Variants in KAZN observed in about 807,000 individuals in gnomAD.
KAZN encodes the protein kazrin, periplakin interacting protein.
Under a neutral mutation model 87.4 loss-of-function variants are expected in KAZN, and 40 were observed. The observed-to-expected ratio is 0.46, with a 90% CI of 0.36 to 0.60. The LOEUF (loss-of-function observed/expected upper bound fraction) is 0.60, where lower values mean the gene tolerates loss of function less well. KAZN is among the 20% of genes least tolerant of loss of function. The pLI, the probability that KAZN is intolerant of heterozygous loss-of-function variation, is 0.00. For synonymous variants in KAZN, 466 were observed against 458.3 expected (o/e 1.02, Z -0.22); for missense variants, 898 against 1,073.9 (o/e 0.84, Z 2.29).
At chr1:14,119,188 G>T (rs980659701) in intron 1 of KAZN, among the ~76,000 whole-genome samples, 1 of 152,144 alleles carries the variant, frequency 6.6e-6, no homozygotes, top group African/African-American at 2.4e-5. Context: ...GTTATCTGTG[G>T]GTTTTCACGA....
At chr1:14,241,464 C>T (rs1648928414) in intron 2 of KAZN, among the ~76,000 whole-genome samples, 1 of 152,212 alleles carries the variant, frequency 6.6e-6, no homozygotes, top group Non-Finnish European at 1.5e-5. Context: ...TGGATTAAGA[C>T]ACTGGAGACA....
intron 2 of KAZN, among the ~76,000 whole-genome samples, chr1:14,396,854 T>A (rs1442372710): frequency 3.3e-5 from 5 of 152,156 alleles, no homozygotes; most frequent in Admixed American, 2.6e-4. Context: ...TTTTCTCTAA[T>A]GTCAGCCATC....
chr1:14,114,076 A>G (rs1644557462), intron 1 of KAZN, among the ~76,000 whole-genome samples: 1 of 152,218 alleles, frequency 6.6e-6, no homozygotes, highest in Admixed American at 6.5e-5. Context: ...CTTGCAGTGC[A>G]GCTTTTAAGA....
chr1:15,053,158 G>T (rs998364287), intron 4 of KAZN, among the ~76,000 whole-genome samples: 2 of 152,238 alleles, frequency 1.3e-5, no homozygotes, highest in Non-Finnish European at 2.9e-5. Flanking sequence ...GACTGGGCAG[G>T]TGGAAGCAAG....
At chr1:13,895,118 C>T in intron 1 of KAZN, among the ~76,000 whole-genome samples, 1 of 152,192 alleles carries the variant, frequency 6.6e-6, no homozygotes, top group East Asian at 1.9e-4. Flanking sequence ...CAAGGCATCT[C>T]TGTTTGCAGG....
chr1:14,854,797 G>A (rs917859187), intron 1 of KAZN, among the ~76,000 whole-genome samples: 1 of 152,120 alleles, frequency 6.6e-6, no homozygotes, highest in Non-Finnish European at 1.5e-5. Context: ...CCAAACCATA[G>A]CATCTCCCCT....
At chr1:14,383,824 T>TTA (rs1469007671) in intron 2 of KAZN, among the ~76,000 whole-genome samples, 1 of 152,144 alleles carries the variant, frequency 6.6e-6, no homozygotes, top group Non-Finnish European at 1.5e-5. Context: ...CATATGAACT[T>TTA]TAAAGTAGTT....
chr1:13,949,599 T>G (rs545290570), intron 1 of KAZN, among the ~76,000 whole-genome samples: 3 of 152,190 alleles, frequency 2.0e-5, no homozygotes, highest in Non-Finnish European at 4.4e-5. Context: ...CAGCTCACAC[T>G]TTACTGAGCC....
chr1:14,279,219 C>A (rs1273185619), intron 2 of KAZN, among the ~76,000 whole-genome samples: 2 of 152,104 alleles, frequency 1.3e-5, no homozygotes, highest in African/African-American at 4.8e-5. Flanking sequence ...GAAGAGGGAG[C>A]AACTAAGTTA....
Position 14,740,617 on chromosome 1 carries a change from C to T in KAZN, c.226+141394C>T, listed in dbSNP as rs551677748. 3.9e-5 allele frequency among the ~76,000 whole-genome samples: 6 copies of T among 152,236 alleles called. No individual in the cohort carries two copies. In the South Asian group the frequency reaches 8.3e-4, roughly 21 times the overall value. On this transcript the variant is annotated intron_variant, in intron 1 of 14. Transcript: ENST00000376030. ...CCCTCTATAGCTCCTGTCTCCTTGG[C>T]GTGGTTTGAGCCCCACAGACCTCTC...
chr1:13,951,702 G>A (rs1226932326), intron 1 of KAZN, among the ~76,000 whole-genome samples: 1 of 151,950 alleles, frequency 6.6e-6, no homozygotes, highest in Non-Finnish European at 1.5e-5. Context: ...TGGGATGATA[G>A]GATGAAACAG....
intron 6 of KAZN, chr1:15,061,065 A>T (rs1638751268): frequency 6.6e-6 from 1 of 152,242 alleles, no homozygotes; most frequent in East Asian, 1.9e-4. Flanking sequence ...CCTCAAATGC[A>T]CGAGACGGCT....
rs778765167 is a variant in KAZN at position 14,226,069 on chromosome 1, CAACAA to C, written c.249+45489_249+45493del. ...AAAAACAAAAAAACAAAACAACAAA[CAACAA>C]AACAAAACAAACAAAAAACCACCCT... On this transcript the variant is annotated intron_variant, in intron 2 of 16. Coordinates refer to the KAZN transcript ENST00000636203. Among the ~76,000 whole-genome samples, 140 of 151,812 alleles carry C rather than the reference CAACAA, an allele frequency of 9.2e-4. 4 individuals carry two copies. Among genetic ancestry groups the C allele is most frequent in the South Asian group, 6.5e-3 (31 of 4,804 alleles).
chr1:14,223,852 A>G (rs1455170455), intron 2 of KAZN, among the ~76,000 whole-genome samples: 3 of 152,168 alleles, frequency 2.0e-5, no homozygotes, highest in Non-Finnish European at 4.4e-5. Flanking sequence ...GGGCAGTGGC[A>G]TGTTTGTTAC....
chr1:14,521,816 A>G (rs1671607262), intron 2 of KAZN, among the ~76,000 whole-genome samples: 2 of 152,200 alleles, frequency 1.3e-5, no homozygotes, highest in Admixed American at 1.3e-4. Flanking sequence ...AAGTTACCAC[A>G]TCATGGTTTG....
At position 14,763,707 on chromosome 1, in the gene KAZN, C is replaced by T. The variant is rs186523531; in HGVS notation, c.226+164484C>T. Among the ~76,000 whole-genome samples the T allele has an allele frequency of 3.1e-3, 471 of 152,222 alleles. 4 individuals are homozygous for T. The highest frequency in any genetic ancestry group is 0.011 in the African/African-American group (439 of 41,524). On this transcript the variant is annotated intron_variant, in intron 1 of 14. Transcript: ENST00000376030. ...GATATCCTCCAATTATGATCCTTTG[C>T]CTAAGGGGGAGATGGGATGTAGGTA...
At chr1:14,829,815 T>C (rs1027691047) in intron 1 of KAZN, among the ~76,000 whole-genome samples, 21 of 152,178 alleles carry the variant, frequency 1.4e-4, no homozygotes, top group Non-Finnish European at 2.9e-4. Flanking sequence ...AGACACTGGA[T>C]AGTGAAGGAC....
intron 8 of KAZN, among the ~76,000 whole-genome samples, chr1:15,082,975 G>A (rs952506552): frequency 3.9e-5 from 6 of 152,138 alleles, no homozygotes; most frequent in African/African-American, 1.4e-4. Context: ...TGACATCCCT[G>A]ATCTAAAGAC....
intron 2 of KAZN, among the ~76,000 whole-genome samples, chr1:14,432,473 T>A (rs1448293186): frequency 6.6e-6 from 1 of 152,210 alleles, no homozygotes; most frequent in Non-Finnish European, 1.5e-5. Context: ...GACAGATATA[T>A]GGGGTTCCCA....
Sources: allele counts gnomAD v4.1 joint callset (sites outside exome capture counted in the v4.1 genomes callset), GRCh38; gene constraint gnomAD v4.1.1; transcripts MANE v1.5; gene names NCBI Gene and HGNC (gene_info 2026-07-23, HGNC 2026-07-21).